GGA1: variants seen among roughly 807,000 people sequenced by gnomAD.
GGA1 encodes the protein ADP-ribosylation factor-binding protein GGA1.
In GGA1, 18 loss-of-function variants were observed where a neutral mutation model predicts 76.9. The ratio of observed to expected loss-of-function variants is 0.23; its 90% CI spans 0.16 to 0.35. GGA1 has a LOEUF of 0.35. Ranked by LOEUF, GGA1 falls within the 10% of genes least tolerant of loss-of-function variation. The pLI is 1.00. For missense variants in GGA1, 755 were observed against 859.0 expected, an observed-to-expected ratio of 0.88 and a Z score of 1.51; for synonymous variants, 342 against 354.7, an observed-to-expected ratio of 0.96 and a Z score of 0.40.
At chr22:37,616,497 AT>A (rs1381653993) in intron 2 of GGA1, among the ~76,000 whole-genome samples, 1 of 152,096 alleles carries the variant, frequency 6.6e-6, no homozygotes, top group African/African-American at 2.4e-5. Flanking sequence ...AGCTGCTCTG[AT>A]TTGCCACAGC....
At chr22:37,618,020 G>A (rs1330011157) in intron 3 of GGA1, 1 of 152,686 alleles carries the variant, frequency 6.5e-6, no homozygotes, top group Admixed American at 6.6e-5. Context: ...TACTTGGGAG[G>A]CTGAGGCAGA....
In GGA1 at chr22:37,630,891, C is replaced by G; in HGVS notation, c.1332-12C>G. On this transcript the variant is annotated splice_polypyrimidine_tract_variant and intron_variant, in intron 13 of 16. Coordinates refer to ENST00000343632, the MANE Select transcript of GGA1 (RefSeq NM_013365.5). ...CAAGAATCACTTCTTAATGCACTGTCCCCCGATTAAGGGAGAAGCAGCAGC... is the reference window on the plus strand; with the variant it reads ...CAAGAATCACTTCTTAATGCACTGTGCCCCGATTAAGGGAGAAGCAGCAGC... 1 of 1,597,946 alleles carries G rather than the reference C, an allele frequency of 6.3e-7. No individual in the cohort carries two copies. Among genetic ancestry groups the G allele is most frequent in the South Asian group, 1.1e-5 (1 of 90,416 alleles).
At chr22:37,630,337 C>T in intron 13 of GGA1, 167 bp downstream of exon 13, 1 of 572,100 alleles carries the variant, frequency 1.7e-6, no homozygotes. Context: ...CACAACAGTG[C>T]CCAAGGCAGA....
intron 4 of GGA1, chr22:37,619,846 G>T (rs8138231): frequency 1.3e-6 from 1 of 776,004 alleles, no homozygotes. Flanking sequence ...TTTGCTGCTA[G>T]GAGACGGAGA....
At chr22:37,613,198 C>T (rs1050459754) in intron 1 of GGA1, 28 of 973,862 alleles carry the variant, frequency 2.9e-5, no homozygotes, top group Non-Finnish European at 3.3e-5. Flanking sequence ...GATGGTAAGA[C>T]TCACACTCCT....
In GGA1 at chr22:37,632,134, G is replaced by A. The variant is rs754026793; in HGVS notation, c.1667G>A (p.Arg556His). The stretch of plus-strand genomic sequence containing the variant: ...CTGAGCACCGCCCCCCAGCCCATCC[G>A]CAACATCGTGTTCCAGTCAGCTGTC... Reference protein sequence around the residue: ...SMLSTAPQPIRNIVFQSAVPK... With the variant: ...SMLSTAPQPIHNIVFQSAVPK... The change falls in exon 15 of 17, where the codon CGC becomes CAC. Residue 556 changes from arginine to histidine, a missense_variant. Arg to His is a conservative substitution (Grantham distance 29). Transcript: ENST00000343632. The surrounding 1 kb of genome is among the most constrained non-coding windows in gnomAD (Gnocchi z 5.1). 42 of 1,613,246 alleles carry A rather than the reference G, an allele frequency of 2.6e-5. No homozygotes were observed. The highest frequency in any genetic ancestry group is 3.3e-5 in the Admixed American group (2 of 59,976).
chr22:37,610,763 C>T (rs1371544540), intron 1 of GGA1: 1 of 152,366 alleles, frequency 6.6e-6, no homozygotes. Context: ...TTGTGAAACA[C>T]CTCCCTCCCT....
intron 1 of GGA1, chr22:37,609,274 C>T: frequency 2.6e-6 from 3 of 1,141,570 alleles, no homozygotes; most frequent in South Asian, 3.7e-5. Flanking sequence ...GGGGTTGCAT[C>T]TCACACCCGG....
intron 2 of GGA1, among the ~76,000 whole-genome samples, chr22:37,615,131 G>A (rs926354208): frequency 1.3e-5 from 2 of 151,268 alleles, no homozygotes; most frequent in African/African-American, 4.9e-5. Context: ...GGGCAACATA[G>A]CGAGACATCA....
At chr22:37,622,342 A>T (rs1007531429) in intron 7 of GGA1, among the ~76,000 whole-genome samples, 2 of 152,078 alleles carry the variant, frequency 1.3e-5, no homozygotes, top group African/African-American at 4.8e-5. Context: ...CGGCGTCCCA[A>T]AGTGCTGGGA....
chr22:37,621,000 G>A (rs1019078831), intron 6 of GGA1, 87 bp downstream of exon 6: 30 of 819,014 alleles, frequency 3.7e-5, no homozygotes, highest in South Asian at 8.1e-5. Context: ...GGCATCAGCC[G>A]TTGGAACAGA....
intron 1 of GGA1, 84 bp downstream of exon 1, chr22:37,608,987 C>T (rs1926920806): frequency 7.5e-7 from 1 of 1,335,910 alleles, no homozygotes; most frequent in Non-Finnish European, 9.6e-7. Flanking sequence ...GGGCGGGGTA[C>T]GGGTCGCCCC....
intron 7 of GGA1, among the ~76,000 whole-genome samples, 168 bp downstream of exon 7, chr22:37,621,864 C>T (rs533967119): frequency 2.6e-5 from 4 of 152,054 alleles, no homozygotes; most frequent in East Asian, 1.9e-4. Context: ...GAAGAATTCC[C>T]GGCAGCCTGG....
intron 3 of GGA1, chr22:37,617,372 G>A: frequency 4.5e-6 from 5 of 1,122,456 alleles, no homozygotes; most frequent in Non-Finnish European, 5.5e-6. Flanking sequence ...CTGCACGTTT[G>A]TAAAGCTAAG....
In GGA1 at chr22:37,620,920, C is replaced by A. The variant is rs534917300; in HGVS notation, c.528+7C>A. 5.8e-6 allele frequency: 9 copies of A among 1,559,790 alleles called. No homozygotes were observed. In the African/African-American group the frequency reaches 1.2e-4, roughly 21 times the overall value. The stretch of plus-strand genomic sequence containing the variant: ...AGATGAGGAGAAATCCAAGGTGAGA[C>A]TCCAAGGAGGCACATATGGGGACTC... On this transcript the variant is annotated splice_region_variant and intron_variant, in intron 6 of 16. Transcript: ENST00000343632.
intron 1 of GGA1, chr22:37,610,135 G>A (rs958390398): frequency 2.0e-5 from 3 of 152,218 alleles, no homozygotes; most frequent in Non-Finnish European, 2.9e-5. Context: ...TGAGCTGTGG[G>A]TCATACAAAA....
chr22:37,620,359 A>G lies in GGA1; in HGVS notation c.425A>G (p.Gln142Arg), dbSNP rs772252205. Reference sequence around the variant, plus strand: ...GAGGCCTACCAGATGCTAAAGAAGCAGGGTGAGGCACACAGAGGGTGGGGG... The same window carrying G: ...GAGGCCTACCAGATGCTAAAGAAGCGGGGTGAGGCACACAGAGGGTGGGGG... Reference protein sequence around the residue: ...IAEAYQMLKKQGIVKSDPKLP... With the variant: ...IAEAYQMLKKRGIVKSDPKLP... Residue 142 changes from glutamine (Q) to arginine (R), a missense_variant and splice_region_variant, in exon 5 of 17, where the codon CAG becomes CGG. By Grantham distance (43) the Gln-to-Arg change is conservative. Coordinates refer to ENST00000343632, the MANE Select transcript of GGA1 (RefSeq NM_013365.5). The G allele has an allele frequency of 4.3e-6, 7 of 1,613,872 alleles. No individual in the cohort carries two copies. Among genetic ancestry groups the G allele is most frequent in the Non-Finnish European group, 5.9e-6 (7 of 1,179,966 alleles).
chr22:37,608,993 G>A (rs1432078658), intron 1 of GGA1, 90 bp downstream of exon 1: 4 of 1,346,230 alleles, frequency 3.0e-6, no homozygotes, highest in East Asian at 6.3e-5. Context: ...GGTACGGGTC[G>A]CCCCCTCCTC....
At position 37,632,941 on chromosome 22, in the gene GGA1, G is replaced by C. The variant is rs1932075676; in HGVS notation, c.*230G>C. 1 of 557,046 alleles carries C rather than the reference G, an allele frequency of 1.8e-6. No homozygotes were observed. The highest frequency in any genetic ancestry group is 2.3e-5 in the South Asian group (1 of 44,376). The allele number at this position is 557,046 out of a possible 1,614,324, so 34.5% of individuals were successfully genotyped here. A position where few individuals can be genotyped will look rare whatever the true frequency, so the allele number is the denominator to read the frequency against. ...GCTGGGCCTGGGTTTGTGCCGCTGG[G>C]GTCTCCATCACCGGGACCTGGAGAG... is the stretch of plus-strand genomic sequence containing the variant. On this transcript the variant is annotated 3_prime_UTR_variant, in exon 17 of 17. Transcript: ENST00000343632. The surrounding 1 kb of genome is among the most constrained non-coding windows in gnomAD (Gnocchi z 5.1).
Sources: allele counts gnomAD v4.1 joint callset (sites outside exome capture counted in the v4.1 genomes callset), GRCh38; gene constraint gnomAD v4.1.1; non-coding constraint Gnocchi (gnomAD v3.1); transcripts MANE v1.5; gene names NCBI Gene and HGNC (gene_info 2026-07-23, HGNC 2026-07-21).